Variants in KCNE2 observed in about 807,000 individuals in gnomAD.
KCNE2 encodes potassium voltage-gated channel subfamily E member 2.
A neutral mutation model predicts 4.5 loss-of-function variants in KCNE2; 4 were observed. The observed-to-expected ratio is 0.89, with a 90% confidence interval of 0.44 to 2.03. The LOEUF is 2.03. KCNE2 is among the 30% of genes most tolerant of loss of function. KCNE2 has a pLI of 0.03. For missense variants in KCNE2, 137 were observed against 151.4 expected, an observed-to-expected ratio of 0.90 and a Z score of 0.50; for synonymous variants, 57 against 55.9, an observed-to-expected ratio of 1.02 and a Z score of -0.09.
intron 1 of KCNE2, among the ~76,000 whole-genome samples, chr21:34,366,734 C>A (rs1006621353): frequency 1.3e-5 from 2 of 151,926 alleles, no homozygotes; most frequent in African/African-American, 4.8e-5. Flanking sequence ...AATCCCAGCA[C>A]TTTGGGAGGC....
At chr21:34,364,924 C>G (rs1253826224) in intron 1 of KCNE2, among the ~76,000 whole-genome samples, 1 of 152,138 alleles carries the variant, frequency 6.6e-6, no homozygotes, top group African/African-American at 2.4e-5. Flanking sequence ...AGCCTGGAGA[C>G]AGGGCACAAC....
At chr21:34,369,277 C>T (rs59680944) in intron 1 of KCNE2, among the ~76,000 whole-genome samples, 4,053 of 152,174 alleles carry the variant, frequency 0.027, 190 homozygotes, top group African/African-American at 0.093. Flanking sequence ...TGGCTGTGCA[C>T]GGTGGCTGAC....
At position 34,370,565 on chromosome 21, in the gene KCNE2, C is replaced by G. The variant is rs1427987437; in HGVS notation, c.87C>G (p.Asn29Lys). 1 of 1,614,200 alleles carries G rather than the reference C, an allele frequency of 6.2e-7. No individual in the cohort carries two copies. Among genetic ancestry groups the G allele is most frequent in the East Asian group, 2.2e-5 (1 of 44,888 alleles). The change falls in exon 2 of 2, where the codon AAC (asparagine) becomes AAG (lysine). Residue 29 changes from asparagine to lysine, a missense_variant. By Grantham distance (94) the Asn-to-Lys change is moderately conservative. Transcript: ENST00000290310. ...FITYMDNWRQ[N>K]TTAEQEALQA... ...CTTATATGGACAATTGGCGCCAGAA[C>G]ACAACAGCTGAGCAAGAGGCCCTCC...
intron 1 of KCNE2, among the ~76,000 whole-genome samples, chr21:34,368,613 A>G (rs1391589546): frequency 6.6e-6 from 1 of 152,004 alleles, no homozygotes; most frequent in Non-Finnish European, 1.5e-5. Flanking sequence ...AAAACAAAAA[A>G]TTTTTGCCTT....
chr21:34,369,957 T>C (rs1281772473), intron 1 of KCNE2, among the ~76,000 whole-genome samples: 2 of 152,232 alleles, frequency 1.3e-5, no homozygotes, highest in Non-Finnish European at 2.9e-5. Flanking sequence ...AAATGAGTCA[T>C]TGGTCCATTC....
chr21:34,370,136 A>T (rs1979512777), intron 1 of KCNE2, among the ~76,000 whole-genome samples: 1 of 152,240 alleles, frequency 6.6e-6, no homozygotes, highest in Non-Finnish European at 1.5e-5. Context: ...CCCACTGTTA[A>T]CATTCTGATC....
At chr21:34,366,974 CAA>C (rs747133749) in intron 1 of KCNE2, among the ~76,000 whole-genome samples, 13 of 14,816 alleles carry the variant, frequency 8.8e-4, no homozygotes, top group African/African-American at 2.3e-3. Flanking sequence ...GACTCCATCT[CAA>C]AAAAAAAAAA....
At chr21:34,368,780 C>T (rs746723727) in intron 1 of KCNE2, among the ~76,000 whole-genome samples, 16 of 152,180 alleles carry the variant, frequency 1.1e-4, no homozygotes, top group Non-Finnish European at 1.6e-4. Context: ...ATAAATATGG[C>T]ATTATTCTAG....
intron 1 of KCNE2, among the ~76,000 whole-genome samples, chr21:34,364,688 G>C (rs1979218170): frequency 6.6e-6 from 1 of 151,860 alleles, no homozygotes; most frequent in Admixed American, 6.6e-5. Context: ...CAGGAGAACG[G>C]CATGAACCCG....
chr21:34,366,596 A>T (rs1979303645), intron 1 of KCNE2, among the ~76,000 whole-genome samples: 1 of 152,088 alleles, frequency 6.6e-6, no homozygotes, highest in African/African-American at 2.4e-5. Context: ...GGACTCAGTT[A>T]CTGAATCTCA....
In KCNE2 at chr21:34,370,776, A is replaced by C. The variant is rs961832580; in HGVS notation, c.298A>C (p.Ile100Leu). 20 of 1,614,098 alleles carry C rather than the reference A, an allele frequency of 1.2e-5. No homozygotes were observed. Among genetic ancestry groups the C allele is most frequent in the Non-Finnish European group, 1.6e-5 (19 of 1,180,038 alleles). The change falls in exon 2 of 2, where the codon ATC (isoleucine) becomes CTC (leucine). Residue 100 changes from isoleucine to leucine, a missense_variant. By Grantham distance (5) the Ile-to-Leu change is conservative. Transcript: ENST00000290310. ...CTGGCAGGAAAAGTACAAGAGCCAA[A>C]TCTTGAATCTAGAAGAATCGAAGGC... ...EDWQEKYKSQILNLEESKATI... is the reference protein window; with the variant it reads ...EDWQEKYKSQLLNLEESKATI...
At chr21:34,365,007 C>T (rs1568810616) in intron 1 of KCNE2, among the ~76,000 whole-genome samples, 1 of 152,150 alleles carries the variant, frequency 6.6e-6, no homozygotes, top group Non-Finnish European at 1.5e-5. Context: ...CTGGTCACAG[C>T]AATGAAAACA....
intron 1 of KCNE2, among the ~76,000 whole-genome samples, chr21:34,365,117 G>A (rs940596326): frequency 3.9e-5 from 6 of 152,174 alleles, no homozygotes; most frequent in African/African-American, 1.4e-4. Context: ...CAACTTGAGA[G>A]GCTTGTGATC....
At position 34,366,762 on chromosome 21, in the gene KCNE2, G is replaced by A. The variant is rs554527480; in HGVS notation, c.-13+2611G>A. On this transcript the variant is annotated intron_variant, in intron 1 of 1. Transcript: ENST00000290310. ...TGGGAGGCCAAGGTGGGCGGATCAC[G>A]AGGTCAGGAGATCGAGACCATCCTG... Among the ~76,000 whole-genome samples the A allele has an allele frequency of 3.3e-5, 5 of 150,872 alleles. No homozygotes were observed. The East Asian group carries it at 1.0e-3, about 30-fold the overall frequency.
intron 1 of KCNE2, among the ~76,000 whole-genome samples, chr21:34,364,977 C>T (rs1979231368): frequency 6.6e-6 from 1 of 152,118 alleles, no homozygotes; most frequent in African/African-American, 2.4e-5. Context: ...GATCTTATGT[C>T]TTGTACCCAG....
In KCNE2 at chr21:34,371,325, C is replaced by T; in HGVS notation, c.*475C>T. ...ACCAGACGGACATAGGAGCATTTATCTGTAATATTAATTCATGAGTGTGGA... is the reference window on the plus strand; with the variant it reads ...ACCAGACGGACATAGGAGCATTTATTTGTAATATTAATTCATGAGTGTGGA... On this transcript the variant is annotated 3_prime_UTR_variant, in exon 2 of 2. Coordinates refer to ENST00000290310, the MANE Select transcript of KCNE2 (RefSeq NM_172201.2). 4.9e-6 allele frequency: 1 copy of T among 204,514 alleles called. No homozygotes were observed. The highest frequency in any genetic ancestry group is 1.0e-5 in the Non-Finnish European group (1 of 99,434). 12.7% of individuals were successfully genotyped at this position (204,514 alleles called of 1,614,324 possible).
At chr21:34,366,813 A>T (rs921289887) in intron 1 of KCNE2, among the ~76,000 whole-genome samples, 1 of 151,606 alleles carries the variant, frequency 6.6e-6, no homozygotes, top group Non-Finnish European at 1.5e-5. Context: ...CCCCGTCTGT[A>T]CTAAAAATAC....
chr21:34,368,210 C>T (rs991958790), intron 1 of KCNE2, among the ~76,000 whole-genome samples: 1 of 94,938 alleles, frequency 1.1e-5, no homozygotes, highest in Non-Finnish European at 1.9e-5. Flanking sequence ...CACACACACA[C>T]ACACACACAC....
chr21:34,370,567 C>T lies in KCNE2; in HGVS notation c.89C>T (p.Thr30Ile), dbSNP rs772975913. 1.2e-5 allele frequency: 19 copies of T among 1,614,074 alleles called. No individual in the cohort carries two copies. Among genetic ancestry groups the T allele is most frequent in the Non-Finnish European group, 1.6e-5 (19 of 1,180,036 alleles). Residue 30 changes from threonine (T) to isoleucine (I), a missense_variant, in exon 2 of 2, where the codon ACA (threonine) becomes ATA (isoleucine). Coordinates refer to ENST00000290310, the MANE Select transcript of KCNE2 (RefSeq NM_172201.2). ...TATATGGACAATTGGCGCCAGAACA[C>T]AACAGCTGAGCAAGAGGCCCTCCAA... ...ITYMDNWRQN[T>I]TAEQEALQAK... is the part of the protein sequence containing the mutation.
Sources: gnomAD v4.1 joint callset for allele counts (sites outside exome capture counted in the v4.1 genomes callset) on GRCh38, gnomAD v4.1.1 for gene constraint, MANE v1.5 for transcripts, NCBI Gene and HGNC (gene_info 2026-07-23, HGNC 2026-07-21) for gene names.